The following DIAPH3 variants were observed in gnomAD, a reference collection of about 807,000 sequenced individuals.
DIAPH3 encodes the protein diaphanous related formin 3, also known as protein diaphanous homolog 3.
Under a neutral mutation model 144.3 loss-of-function variants are expected in DIAPH3, and 117 were observed. The observed-to-expected ratio is 0.81, with a 90% confidence interval of 0.70 to 0.95. The LOEUF is 0.95. Among genes scored for constraint, DIAPH3 ranks in the 40% least tolerant of loss-of-function variants. The pLI is 0.00. For synonymous variants in DIAPH3, 519 were observed against 488.9 expected, an observed-to-expected ratio of 1.06 and a Z score of -0.81; for missense variants, 1,421 against 1,412.7, an observed-to-expected ratio of 1.01 and a Z score of -0.09.
chr13:59,670,164 T>C (rs2032277215), intron 27 of DIAPH3, among the ~76,000 whole-genome samples: 1 of 152,136 alleles, frequency 6.6e-6, no homozygotes. Flanking sequence ...GACAAAATGA[T>C]AAGAGAAAAA....
intron 4 of DIAPH3, among the ~76,000 whole-genome samples, chr13:60,093,081 A>C (rs2058003291): frequency 1.3e-5 from 2 of 152,180 alleles, no homozygotes; most frequent in African/African-American, 4.8e-5. Flanking sequence ...TCTGTGTGCC[A>C]GTCATGGTTT....
intron 25 of DIAPH3, among the ~76,000 whole-genome samples, chr13:59,800,071 A>G (rs565190024): frequency 8.7e-4 from 132 of 152,296 alleles, no homozygotes; most frequent in African/African-American, 3.1e-3. Flanking sequence ...CTTCTGTTTC[A>G]GAATCAGCTG....
At chr13:59,693,481 C>A (rs2033643809) in intron 27 of DIAPH3, among the ~76,000 whole-genome samples, 1 of 152,046 alleles carries the variant, frequency 6.6e-6, no homozygotes, top group Non-Finnish European at 1.5e-5. Flanking sequence ...GGAAAATTAT[C>A]AGTGCAAATC....
chr13:60,070,702 A>T (rs1314157206), intron 4 of DIAPH3, among the ~76,000 whole-genome samples: 1 of 152,190 alleles, frequency 6.6e-6, no homozygotes, highest in Non-Finnish European at 1.5e-5. Flanking sequence ...TGACAACAAA[A>T]AGAAATCTGA....
rs1733046625 is a variant in DIAPH3, at chr13:59,925,742, TC to T, written c.2075-873del. The stretch of plus-strand genomic sequence containing the variant: ...TGGTCTGCTCAGGTTTCCTATTCTT[TC>T]TGATTTAATCTTGGTAGCTACGTGT... On this transcript the variant is annotated intron_variant, in intron 17 of 27. Coordinates refer to ENST00000400324, the MANE Select transcript of DIAPH3 (RefSeq NM_001042517.2). Among the ~76,000 whole-genome samples, 5 of 152,282 alleles carry T rather than the reference TC, an allele frequency of 3.3e-5. No homozygotes were observed. In the South Asian group the frequency reaches 1.0e-3, roughly 32 times the overall value.
At chr13:59,730,732 A>G (rs1486112782) in intron 27 of DIAPH3, among the ~76,000 whole-genome samples, 1 of 152,196 alleles carries the variant, frequency 6.6e-6, no homozygotes, top group Non-Finnish European at 1.5e-5. Context: ...TACATTGGCA[A>G]GTTAATTCCC....
chr13:59,736,197 G>A (rs2036145054), intron 27 of DIAPH3, among the ~76,000 whole-genome samples: 1 of 152,144 alleles, frequency 6.6e-6, no homozygotes, highest in Admixed American at 6.6e-5. Context: ...ATCATTGATG[G>A]CCACTTGGGT....
chr13:59,902,244 C>T (rs916864705), intron 20 of DIAPH3, among the ~76,000 whole-genome samples: 1 of 152,134 alleles, frequency 6.6e-6, no homozygotes, highest in Non-Finnish European at 1.5e-5. Context: ...ATGACTGGAT[C>T]ATGGGGGTGG....
At chr13:59,998,578 T>C (rs2140877326) in intron 9 of DIAPH3, among the ~76,000 whole-genome samples, 1 of 152,256 alleles carries the variant, frequency 6.6e-6, no homozygotes, top group Admixed American at 6.6e-5. Flanking sequence ...TATAGACTTA[T>C]TAGGTAGATT....
At chr13:59,916,099 T>C (rs1286390874) in intron 19 of DIAPH3, 56 bp downstream of exon 19, 2 of 1,465,626 alleles carry the variant, frequency 1.4e-6, no homozygotes, top group Admixed American at 1.7e-5. Context: ...CAGATTTCTA[T>C]TTAATGAGAA....
intron 27 of DIAPH3, among the ~76,000 whole-genome samples, chr13:59,749,694 A>T (rs190628049): frequency 3.9e-4 from 59 of 152,048 alleles, no homozygotes; most frequent in Non-Finnish European, 4.4e-5. Context: ...AATATTTTAA[A>T]AATAGTATTA....
chr13:60,001,541 A>T (rs995246268), intron 9 of DIAPH3, among the ~76,000 whole-genome samples: 1 of 152,238 alleles, frequency 6.6e-6, no homozygotes, highest in Non-Finnish European at 1.5e-5. Context: ...CCAAGTTGAA[A>T]GCTCTGCCAC....
intron 27 of DIAPH3, chr13:59,695,998 T>G (rs1343770687): frequency 6.6e-6 from 1 of 152,200 alleles, no homozygotes; most frequent in African/African-American, 2.4e-5. Flanking sequence ...CACCGTTATA[T>G]TCCAAACAAA....
intron 9 of DIAPH3, among the ~76,000 whole-genome samples, chr13:60,006,979 C>T (rs1419338986): frequency 6.6e-6 from 1 of 152,194 alleles, no homozygotes; most frequent in Non-Finnish European, 1.5e-5. Flanking sequence ...TAGGGTTCCT[C>T]ACTGGCTATT....
chr13:59,904,645 TA>T (rs140839041), intron 20 of DIAPH3, among the ~76,000 whole-genome samples: 2 of 151,300 alleles, frequency 1.3e-5, no homozygotes, highest in Admixed American at 1.3e-4. Context: ...AATGCGTCCC[TA>T]AAAAAAAATC....
chr13:59,793,473 A>G, intron 25 of DIAPH3, among the ~76,000 whole-genome samples: 1 of 152,168 alleles, frequency 6.6e-6, no homozygotes, highest in East Asian at 1.9e-4. Context: ...GCTAAAGTCA[A>G]TGGGATGGCT....
intron 9 of DIAPH3, among the ~76,000 whole-genome samples, chr13:60,006,257 TGAG>T (rs1047560080): frequency 5.3e-5 from 8 of 152,148 alleles, no homozygotes; most frequent in Non-Finnish European, 1.2e-4. Context: ...TTCCAATAAA[TGAG>T]GAGATCATGT....
chr13:59,930,102 A>C (rs964182559), intron 17 of DIAPH3, among the ~76,000 whole-genome samples: 26 of 152,324 alleles, frequency 1.7e-4, no homozygotes, highest in African/African-American at 6.3e-4. Flanking sequence ...TTAGGTATCC[A>C]AAGGACATTT....
chr13:59,709,798 A>G (rs997214011), intron 27 of DIAPH3, among the ~76,000 whole-genome samples: 5 of 152,210 alleles, frequency 3.3e-5, no homozygotes, highest in Admixed American at 6.5e-5. Context: ...ATGCACGTGT[A>G]TGTTTACTGT....
Sources: allele counts gnomAD v4.1 joint callset (sites outside exome capture counted in the v4.1 genomes callset), GRCh38; gene constraint gnomAD v4.1.1; transcripts MANE v1.5; gene names NCBI Gene and HGNC (gene_info 2026-07-23, HGNC 2026-07-21).